The following TJP1 variants were observed in gnomAD, a reference collection of about 807,000 sequenced individuals.
The protein encoded by TJP1 is tight junction protein 1.
A neutral mutation model predicts 194.2 loss-of-function variants in TJP1; 43 were observed. The ratio of observed to expected loss-of-function variants is 0.22; its 90% confidence interval spans 0.17 to 0.29. TJP1 has a LOEUF of 0.29. Ranked by LOEUF, TJP1 falls within the 10% of genes least tolerant of loss-of-function variation. TJP1 has a pLI of 1.00. For missense variants in TJP1, 1,971 were observed against 2,185.7 expected, an observed-to-expected ratio of 0.90 and a Z score of 1.96; for synonymous variants, 801 against 779.0, an observed-to-expected ratio of 1.03 and a Z score of -0.47.
chr15:29,742,178 A>G (rs1162590941), intron 9 of TJP1, among the ~76,000 whole-genome samples: 2 of 152,068 alleles, frequency 1.3e-5, no homozygotes, highest in Non-Finnish European at 2.9e-5. Context: ...GCTGGAGCCC[A>G]GGAGTTTTGA....
At chr15:29,726,559 A>C in intron 17 of TJP1, 80 bp from the exon 18 acceptor site, 2 of 1,360,666 alleles carry the variant, frequency 1.5e-6, no homozygotes. Context: ...CTTACAGCTA[A>C]ATCGTCATTA....
At chr15:29,711,098 AC>A in intron 23 of TJP1, 98 bp from the exon 24 acceptor site, 2 of 1,351,982 alleles carry the variant, frequency 1.5e-6, no homozygotes, top group African/African-American at 2.9e-5. Context: ...AAAAAAAAAA[AC>A]TAGAAATTTC....
At chr15:29,867,004 G>C (rs1254288711) in intron 2 of TJP1, among the ~76,000 whole-genome samples, 2 of 152,204 alleles carry the variant, frequency 1.3e-5, no homozygotes, top group East Asian at 3.9e-4. Context: ...ATTCACGTGG[G>C]TACTCAAAGA....
At chr15:29,751,512 G>A (rs888935475) in intron 8 of TJP1, among the ~76,000 whole-genome samples, 2 of 152,174 alleles carry the variant, frequency 1.3e-5, no homozygotes, top group Admixed American at 1.3e-4. Flanking sequence ...ACAGGTCTGT[G>A]GTTCAAAAGT....
rs143423009 is a variant in TJP1, at chr15:29,800,402, T to TA, written c.84+243dup. The TA allele has an allele frequency of 7.7e-3, 3,916 of 510,102 alleles. 187 individuals carry two copies. The East Asian group carries it at 0.1, about 13-fold the overall frequency. The allele number at this position is 510,102 out of a possible 1,614,324, so 31.6% of individuals were successfully genotyped here. The stretch of plus-strand genomic sequence containing the variant: ...TCTTTTATCTGATCACTCAAAATTT[T>TA]AAAAGCAAATCACTTTTTAAGTCAG... On this transcript the variant is annotated intron_variant, in intron 2 of 27. Coordinates refer to ENST00000614355, the MANE Select transcript of TJP1 (RefSeq NM_001330239.4).
At chr15:29,940,904 C>A (rs967374225) in intron 2 of TJP1, among the ~76,000 whole-genome samples, 28 of 152,176 alleles carry the variant, frequency 1.8e-4, no homozygotes, top group Admixed American at 1.7e-3. Flanking sequence ...GCCCCGATGA[C>A]CACCATAACC....
chr15:29,808,475 TA>T (rs2049262170), intron 1 of TJP1, among the ~76,000 whole-genome samples: 1 of 152,218 alleles, frequency 6.6e-6, no homozygotes, highest in Admixed American at 6.5e-5. Flanking sequence ...ATGATTTGCC[TA>T]ATGTATTATG....
intron 12 of TJP1, 129 bp from the exon 13 acceptor site, chr15:29,733,442 T>C (rs1330130526): frequency 5.8e-6 from 4 of 695,626 alleles, no homozygotes; most frequent in Non-Finnish European, 9.5e-6. Context: ...ATGTGCCAGG[T>C]ACTGTATTAT....
At position 29,812,080 on chromosome 15, in the gene TJP1, A is replaced by G. The variant is rs570050635; in HGVS notation, c.27+9922T>C. 3.3e-5 allele frequency among the ~76,000 whole-genome samples: 5 copies of G among 152,290 alleles called. 1 individual carries two copies. The South Asian group carries it at 1.0e-3, about 32-fold the overall frequency. On this transcript the variant is annotated intron_variant, in intron 1 of 27. Coordinates refer to ENST00000614355, the MANE Select transcript of TJP1 (RefSeq NM_001330239.4). ...AGATGGGTCTTGTTTGCATTTTTAC[A>G]TTTGCATTTTGTGTACAGATGAGAA...
At chr15:29,738,295 A>C (rs1197028910) in intron 10 of TJP1, among the ~76,000 whole-genome samples, 2 of 152,178 alleles carry the variant, frequency 1.3e-5, no homozygotes, top group East Asian at 3.9e-4. Context: ...GTGTAGAAAA[A>C]AATCCCTATA....
rs754415597 is a variant in TJP1 at position 29,773,334 on chromosome 15, A to G, written c.108T>C (p.Ile36=). The G allele has an allele frequency of 1.2e-6, 2 of 1,613,992 alleles. No homozygotes were observed. Among genetic ancestry groups the G allele is most frequent in the Non-Finnish European group, 1.7e-6 (2 of 1,179,890 alleles). Residue 36 remains isoleucine, a synonymous_variant, in exon 3 of 28, where the codon ATT becomes ATC. Transcript: ENST00000614355. ...GATTATCTCGTCCACCAGATATTGC[A>G]ATTCCAAATCCAAATCCAGGAGCCT... is the stretch of plus-strand genomic sequence containing the variant. ...LHRAPGFGFG[I]AISGGRDNPH... is the part of the protein sequence containing the mutation.
upstream of TJP1, among the ~76,000 whole-genome samples, chr15:29,827,390 C>T (rs7180387): frequency 0.78 from 118,766 of 152,042 alleles, 47,198 homozygotes; most frequent in East Asian, 0.86. Flanking sequence ...ACCGTCTGTA[C>T]TTGCTCTGAT....
At chr15:29,711,670 G>A (rs1427053071) in intron 23 of TJP1, among the ~76,000 whole-genome samples, 1 of 152,074 alleles carries the variant, frequency 6.6e-6, no homozygotes, top group African/African-American at 2.4e-5. Context: ...CCCGGCCCTA[G>A]ACCCACTTCT....
chr15:29,952,110 T>A (rs2152309135), intron 2 of TJP1, among the ~76,000 whole-genome samples: 1 of 152,340 alleles, frequency 6.6e-6, no homozygotes. Flanking sequence ...GTCACTTTTC[T>A]TTTTCATATT....
chr15:29,730,464 G>T (rs535505709), intron 15 of TJP1, among the ~76,000 whole-genome samples: 6 of 151,898 alleles, frequency 4.0e-5, no homozygotes, highest in African/African-American at 1.2e-4. Flanking sequence ...AGGCGTGTTG[G>T]CATGTGCCTG....
At chr15:29,919,618 T>G (rs1167012152) in intron 2 of TJP1, among the ~76,000 whole-genome samples, 1 of 152,042 alleles carries the variant, frequency 6.6e-6, no homozygotes, top group Admixed American at 6.5e-5. Flanking sequence ...AGACCAGAGG[T>G]GACCTTGGAG....
intron 4 of TJP1, among the ~76,000 whole-genome samples, chr15:29,771,314 G>A (rs974036880): frequency 6.6e-6 from 1 of 152,176 alleles, no homozygotes; most frequent in South Asian, 2.1e-4. Flanking sequence ...AGCCTGTACA[G>A]CATGTTAGTG....
chr15:29,711,288 A>G (rs1230186979), intron 23 of TJP1, among the ~76,000 whole-genome samples: 2 of 152,202 alleles, frequency 1.3e-5, no homozygotes, highest in African/African-American at 2.4e-5. Context: ...GTTATTTACA[A>G]AAGATAGTAA....
At chr15:29,852,262 A>G (rs2051670283) in intron 2 of TJP1, among the ~76,000 whole-genome samples, 2 of 152,242 alleles carry the variant, frequency 1.3e-5, no homozygotes, top group Non-Finnish European at 1.5e-5. Context: ...AAGTCTTAAA[A>G]TTCAACTGTA....
Sources: allele counts gnomAD v4.1 joint callset (sites outside exome capture counted in the v4.1 genomes callset), GRCh38; gene constraint gnomAD v4.1.1; transcripts MANE v1.5; gene names NCBI Gene and HGNC (gene_info 2026-07-23, HGNC 2026-07-21).